Variants in DLG2 observed in about 807,000 individuals in gnomAD.
DLG2 encodes the protein disks large homolog 2.
DLG2 carries 45 observed loss-of-function variants against 132.5 expected under a neutral mutation model. The observed-to-expected ratio is 0.34, with a 90% CI of 0.27 to 0.44. The LOEUF is 0.44. DLG2 is among the 20% of genes least tolerant of loss of function. The probability of loss-of-function intolerance (pLI) is 1.00; values close to 1 mark genes in which losing one functional copy is unlikely to be tolerated. For missense variants in DLG2, 1,045 were observed against 1,196.9 expected (o/e 0.87, Z 1.87); for synonymous variants, 424 against 419.6 (o/e 1.01, Z -0.13).
At chr11:83,603,765 A>T (rs1344285704) in intron 19 of DLG2, among the ~76,000 whole-genome samples, 5 of 152,178 alleles carry the variant, frequency 3.3e-5, no homozygotes, top group Admixed American at 2.6e-4. Flanking sequence ...TATGTTAATA[A>T]GTAATTTGTG....
chr11:84,339,515 G>C (rs1600190216), intron 7 of DLG2, among the ~76,000 whole-genome samples: 1 of 152,168 alleles, frequency 6.6e-6, no homozygotes. Flanking sequence ...CTAGAGCAGA[G>C]AATTTTAAGA....
intron 9 of DLG2, among the ~76,000 whole-genome samples, chr11:84,103,675 A>G (rs189260956): frequency 6.6e-6 from 1 of 152,226 alleles, no homozygotes; most frequent in East Asian, 1.9e-4. Flanking sequence ...TTCTTGTTTC[A>G]TGTACTGCAC....
chr11:85,220,924 G>C (rs1387847065), intron 4 of DLG2, among the ~76,000 whole-genome samples: 1 of 151,924 alleles, frequency 6.6e-6, no homozygotes, highest in Non-Finnish European at 1.5e-5. Context: ...TAAACAAAAA[G>C]TTGATTCCCT....
chr11:84,700,946 T>C (rs1173230239), intron 6 of DLG2, among the ~76,000 whole-genome samples: 2 of 151,450 alleles, frequency 1.3e-5, no homozygotes, highest in Non-Finnish European at 3.0e-5. Flanking sequence ...CCAAGACATA[T>C]GTACCGGTCC....
chr11:84,379,300 G>T (rs1261029332), intron 7 of DLG2, among the ~76,000 whole-genome samples: 1 of 151,976 alleles, frequency 6.6e-6, no homozygotes, highest in African/African-American at 2.4e-5. Context: ...AAAATGAAAG[G>T]CATAATTAAG....
intron 15 of DLG2, among the ~76,000 whole-genome samples, chr11:83,887,118 T>G (rs922057184): frequency 2.0e-5 from 3 of 151,842 alleles, no homozygotes; most frequent in African/African-American, 7.3e-5. Context: ...CTGAAGGAAA[T>G]AGAGACACAA....
chr11:85,275,909 G>A (rs1003194626), intron 4 of DLG2, among the ~76,000 whole-genome samples: 5 of 150,366 alleles, frequency 3.3e-5, no homozygotes, highest in Non-Finnish European at 7.4e-5. Flanking sequence ...AGCTCCCCAA[G>A]GGAAAAAAAA....
At chr11:83,868,513 T>C (rs2062823263) in intron 16 of DLG2, among the ~76,000 whole-genome samples, 1 of 152,112 alleles carries the variant, frequency 6.6e-6, no homozygotes, top group Non-Finnish European at 1.5e-5. Context: ...AATACATATA[T>C]ACATATGTGT....
chr11:84,900,335 T>C (rs960772676), intron 6 of DLG2, among the ~76,000 whole-genome samples: 11 of 152,082 alleles, frequency 7.2e-5, no homozygotes, highest in African/African-American at 2.2e-4. Context: ...AATTAGGTAA[T>C]ATAGACATTA....
chr11:85,238,934 A>T (rs1399067189), intron 4 of DLG2, among the ~76,000 whole-genome samples: 2 of 151,934 alleles, frequency 1.3e-5, no homozygotes, highest in Non-Finnish European at 2.9e-5. Flanking sequence ...CCTATCAAAC[A>T]ACTCAACTTT....
intron 16 of DLG2, among the ~76,000 whole-genome samples, chr11:83,834,989 G>T (rs562528864): frequency 6.6e-6 from 1 of 152,226 alleles, no homozygotes; most frequent in East Asian, 1.9e-4. Context: ...GCTACACAAA[G>T]AATTTGTTAC....
intron 16 of DLG2, among the ~76,000 whole-genome samples, chr11:83,848,375 C>T (rs1223633548): frequency 6.6e-6 from 1 of 152,070 alleles, no homozygotes; most frequent in Non-Finnish European, 1.5e-5. Context: ...TATTGATAAT[C>T]CACTAATTCA....
intron 7 of DLG2, among the ~76,000 whole-genome samples, chr11:84,406,159 T>C (rs1037142726): frequency 6.6e-6 from 1 of 152,180 alleles, no homozygotes. Context: ...CTGCCCTAGC[T>C]GTCACCACAC....
intron 6 of DLG2, among the ~76,000 whole-genome samples, chr11:84,804,230 T>C (rs1322214279): frequency 6.6e-6 from 1 of 152,206 alleles, no homozygotes; most frequent in Non-Finnish European, 1.5e-5. Flanking sequence ...ACTGCCAACT[T>C]TATGTTTACA....
intron 7 of DLG2, among the ~76,000 whole-genome samples, chr11:84,251,702 G>C (rs961425262): frequency 3.4e-5 from 5 of 149,078 alleles, no homozygotes; most frequent in African/African-American, 1.2e-4. Context: ...GAGTGCAGTG[G>C]TGCAATCTCG....
At chr11:84,793,494 G>A (rs1055828222) in intron 6 of DLG2, among the ~76,000 whole-genome samples, 2 of 152,206 alleles carry the variant, frequency 1.3e-5, no homozygotes, top group African/African-American at 4.8e-5. Context: ...TGTTGACAGT[G>A]GAGTGTTGAA....
intron 6 of DLG2, among the ~76,000 whole-genome samples, chr11:85,109,408 G>A (rs190915126): frequency 2.0e-5 from 3 of 152,206 alleles, no homozygotes. Context: ...TCTGACTTGT[G>A]ATCTTCAGGA....
rs535733148 is a variant in DLG2 at position 84,806,745 on chromosome 11, AATG to A, written c.358-272017_358-272015del. On this transcript the variant is annotated intron_variant, in intron 6 of 27. Transcript: ENST00000376104. ...AAGAATGCTTCGAACATCAAAAAAT[AATG>A]ATAAGAAAAAGCCATAGTAAACCTT... 2.6e-4 allele frequency among the ~76,000 whole-genome samples: 40 copies of A among 152,332 alleles called. 1 individual carries two copies. The Middle Eastern group carries it at 0.017, about 65-fold the overall frequency.
At chr11:85,030,312 G>A (rs2060900477) in intron 6 of DLG2, among the ~76,000 whole-genome samples, 1 of 152,156 alleles carries the variant, frequency 6.6e-6, no homozygotes, top group South Asian at 2.1e-4. Context: ...AATTTCCACT[G>A]ACTATTGACT....
Sources: allele counts gnomAD v4.1 joint callset (sites outside exome capture counted in the v4.1 genomes callset), GRCh38; gene constraint gnomAD v4.1.1; transcripts MANE v1.5; gene names NCBI Gene and HGNC (gene_info 2026-07-23, HGNC 2026-07-21).